The following PBRM1 variants were observed in gnomAD, a reference collection of about 807,000 sequenced individuals.
The protein encoded by PBRM1 is protein polybromo-1.
PBRM1 carries 27 observed loss-of-function variants against 194.5 expected under a neutral mutation model. That is an observed-to-expected ratio of 0.14 (90% confidence interval 0.10 to 0.19). PBRM1 has a LOEUF of 0.19. Among genes scored for constraint, PBRM1 ranks in the 10% least tolerant of loss-of-function variants. The pLI is 1.00. For missense variants in PBRM1, 1,466 were observed against 2,077.2 expected (o/e 0.71, Z 5.72); for synonymous variants, 655 against 693.2 (o/e 0.94, Z 0.87).
At chr3:52,556,516 G>C (rs1046407734) in intron 26 of PBRM1, among the ~76,000 whole-genome samples, 2 of 152,212 alleles carry the variant, frequency 1.3e-5, no homozygotes, top group Non-Finnish European at 2.9e-5. Flanking sequence ...AAGCCCATCT[G>C]AACGCAGCCT....
intron 16 of PBRM1, among the ~76,000 whole-genome samples, chr3:52,604,595 A>G (rs1008734910): frequency 9.9e-5 from 15 of 152,096 alleles, no homozygotes; most frequent in African/African-American, 3.4e-4. Flanking sequence ...CGGGAAGCTG[A>G]GGCGGGAGGG....
At chr3:52,668,503 A>T in exon 3 of PBRM1, 1 of 1,597,516 alleles carries the variant, frequency 6.3e-7, no homozygotes, top group Non-Finnish European at 8.5e-7. Flanking sequence ...CTTACCTTAT[A>T]ATAGGACTTT....
intron 10 of PBRM1, among the ~76,000 whole-genome samples, chr3:52,641,098 T>C (rs941969367): frequency 6.6e-6 from 1 of 152,194 alleles, no homozygotes; most frequent in Admixed American, 6.6e-5. Context: ...ATAGTGATTA[T>C]GAAATTTCTA....
At chr3:52,584,747 C>T (rs1379223992) in intron 20 of PBRM1, among the ~76,000 whole-genome samples, 1 of 152,112 alleles carries the variant, frequency 6.6e-6, no homozygotes, top group Admixed American at 6.6e-5. Context: ...TGAGCCAACA[C>T]GCCTGCCATC....
intron 6 of PBRM1, among the ~76,000 whole-genome samples, chr3:52,650,194 C>G (rs944398098): frequency 6.6e-6 from 1 of 151,700 alleles, no homozygotes; most frequent in African/African-American, 2.4e-5. Context: ...GAAACCCTGT[C>G]TCTATTAAAA....
chr3:52,569,305 G>A (rs1242384722), intron 22 of PBRM1, among the ~76,000 whole-genome samples: 6 of 151,464 alleles, frequency 4.0e-5, no homozygotes, highest in East Asian at 1.9e-4. Context: ...CCGCCTCCCC[G>A]GTTCACCCCC....
chr3:52,551,846 A>C (rs538212310), intron 27 of PBRM1: 44 of 152,322 alleles, frequency 2.9e-4, no homozygotes, highest in African/African-American at 9.9e-4. Flanking sequence ...TCCTCATTCT[A>C]AAGTTCAGAA....
At chr3:52,614,035 C>A (rs2094803081) in intron 15 of PBRM1, among the ~76,000 whole-genome samples, 3 of 152,140 alleles carry the variant, frequency 2.0e-5, no homozygotes, top group African/African-American at 7.2e-5. Flanking sequence ...GTAAATCATA[C>A]CCAAATCTAC....
chr3:52,562,082 G>A, intron 24 of PBRM1, 114 bp from the exon 27 acceptor site: 1 of 757,988 alleles, frequency 1.3e-6, no homozygotes. Flanking sequence ...AGCACTTTGG[G>A]GGGCCGAGAC....
At chr3:52,587,677 T>G (rs1396610669) in intron 18 of PBRM1, among the ~76,000 whole-genome samples, 167 bp from the exon 21 acceptor site, 1 of 151,440 alleles carries the variant, frequency 6.6e-6, no homozygotes, top group Non-Finnish European at 1.5e-5. Flanking sequence ...CCTGAGTAGC[T>G]GGGACTACAA....
intron 17 of PBRM1, among the ~76,000 whole-genome samples, chr3:52,593,428 G>A (rs1373537374): frequency 6.6e-6 from 1 of 152,146 alleles, no homozygotes; most frequent in Non-Finnish European, 1.5e-5. Flanking sequence ...GTAGAGAAGA[G>A]GTTTTGCCAT....
chr3:52,621,961 G>GT (rs1218783239), intron 13 of PBRM1, among the ~76,000 whole-genome samples: 4 of 152,138 alleles, frequency 2.6e-5, no homozygotes, highest in Non-Finnish European at 4.4e-5. Context: ...TGGGAGGATT[G>GT]TTTGAACCCA....
intron 17 of PBRM1, among the ~76,000 whole-genome samples, chr3:52,593,960 T>C (rs1242878778): frequency 6.6e-6 from 1 of 152,192 alleles, no homozygotes; most frequent in Non-Finnish European, 1.5e-5. Flanking sequence ...CCCAGTGTTG[T>C]GTTCAGGTCC....
chr3:52,683,673 G>C (rs1306272257), upstream of PBRM1, among the ~76,000 whole-genome samples: 5 of 151,724 alleles, frequency 3.3e-5, no homozygotes, highest in Admixed American at 6.6e-5. Flanking sequence ...AAATTATCTA[G>C]GCAAGGTGGT....
intron 22 of PBRM1, among the ~76,000 whole-genome samples, chr3:52,575,406 A>G (rs572434242): frequency 5.3e-5 from 8 of 152,256 alleles, no homozygotes; most frequent in African/African-American, 1.7e-4. Context: ...CAAAGAAACA[A>G]GAAGGCACAG....
chr3:52,601,581 A>G (rs1336193953), intron 17 of PBRM1, among the ~76,000 whole-genome samples: 2 of 148,284 alleles, frequency 1.3e-5, no homozygotes, highest in African/African-American at 4.9e-5. Context: ...GTTCCTAAGT[A>G]ATGTGGGGGG....
intron 24 of PBRM1, 88 bp downstream of exon 26, chr3:52,563,195 G>A (rs2084117108): frequency 3.6e-6 from 3 of 838,728 alleles, no homozygotes; most frequent in Admixed American, 4.9e-5. Context: ...CACATATGGA[G>A]GGGCTGGATG....
At chr3:52,662,275 G>T (rs2153930037) in exon 4 of PBRM1, 1 of 1,598,268 alleles carries the variant, frequency 6.3e-7, no homozygotes, top group Non-Finnish European at 8.5e-7. Flanking sequence ...AGGAGAATCT[G>T]GCTGTATGTT....
At chr3:52,572,776 A>G (rs1559974262) in intron 22 of PBRM1, among the ~76,000 whole-genome samples, 1 of 152,274 alleles carries the variant, frequency 6.6e-6, no homozygotes, top group Non-Finnish European at 1.5e-5. Flanking sequence ...GTAACAGAAG[A>G]TGAAAAAATG....
Sources: allele counts gnomAD v4.1 joint callset (sites outside exome capture counted in the v4.1 genomes callset), GRCh38; gene constraint gnomAD v4.1.1; transcripts MANE v1.5; gene names NCBI Gene and HGNC (gene_info 2026-07-23, HGNC 2026-07-21).